SUCLG2: variants seen among roughly 807,000 people sequenced by gnomAD.
The protein encoded by SUCLG2 is succinate--CoA ligase [GDP-forming] subunit beta, mitochondrial.
A neutral mutation model predicts 47.9 loss-of-function variants in SUCLG2; 42 were observed. The observed-to-expected ratio is 0.88, with a 90% CI of 0.69 to 1.14. The LOEUF (loss-of-function observed/expected upper bound fraction) is 1.14. Among genes scored for constraint, SUCLG2 ranks in the 50% most tolerant of loss-of-function variants. SUCLG2 has a pLI of 0.00. For synonymous variants in SUCLG2, 195 were observed against 197.3 expected, an observed-to-expected ratio of 0.99 and a Z score of 0.10; for missense variants, 571 against 525.9, an observed-to-expected ratio of 1.09 and a Z score of -0.84.
intron 9 of SUCLG2, among the ~76,000 whole-genome samples, chr3:67,484,284 TAC>T (rs1704995813): frequency 6.6e-6 from 1 of 152,206 alleles, no homozygotes. Flanking sequence ...CCCATTGTAT[TAC>T]AGTCTTGCCA....
chr3:67,478,181 C>T (rs979545870), intron 9 of SUCLG2, among the ~76,000 whole-genome samples: 9 of 152,162 alleles, frequency 5.9e-5, no homozygotes, highest in African/African-American at 2.2e-4. Context: ...ACTTAACCGC[C>T]CCTTCCATAT....
intron 9 of SUCLG2, among the ~76,000 whole-genome samples, chr3:67,445,727 C>A (rs376706816): frequency 2.3e-5 from 1 of 44,034 alleles, no homozygotes; most frequent in Admixed American, 2.8e-4. Flanking sequence ...ACATATTCTG[C>A]TCAGTGTAAA....
chr3:67,475,425 T>C (rs1704724557), intron 9 of SUCLG2, among the ~76,000 whole-genome samples: 1 of 152,162 alleles, frequency 6.6e-6, no homozygotes, highest in Non-Finnish European at 1.5e-5. Flanking sequence ...TCTGTCACAA[T>C]TCTGAGAGCA....
chr3:67,434,392 T>C (rs944483464), intron 9 of SUCLG2, among the ~76,000 whole-genome samples: 49 of 152,214 alleles, frequency 3.2e-4, no homozygotes, highest in African/African-American at 1.2e-3. Context: ...TCAGGCATAG[T>C]AGTGCATATC....
intron 7 of SUCLG2, among the ~76,000 whole-genome samples, chr3:67,504,632 G>C (rs545263324): frequency 6.6e-6 from 1 of 152,266 alleles, no homozygotes; most frequent in South Asian, 2.1e-4. Context: ...GTGCGTTGTA[G>C]TTTAGCATTA....
intron 10 of SUCLG2, among the ~76,000 whole-genome samples, chr3:67,381,101 C>T (rs1361463927): frequency 1.3e-5 from 2 of 152,050 alleles, no homozygotes; most frequent in East Asian, 3.9e-4. Context: ...CGCTTGAGCA[C>T]AGAAGGTCAA....
At chr3:67,627,877 C>T (rs1330940702) in intron 1 of SUCLG2, among the ~76,000 whole-genome samples, 2 of 152,134 alleles carry the variant, frequency 1.3e-5, no homozygotes, top group African/African-American at 4.8e-5. Context: ...TCTGCAGGAC[C>T]TATGTTCCAA....
At chr3:67,408,903 C>T in intron 9 of SUCLG2, 1 of 1,511,704 alleles carries the variant, frequency 6.6e-7, no homozygotes, top group Non-Finnish European at 8.8e-7. Flanking sequence ...CTGGCAGTCT[C>T]TCTATAATCA....
At chr3:67,482,936 G>C (rs73104371) in intron 9 of SUCLG2, among the ~76,000 whole-genome samples, 5,943 of 152,106 alleles carry the variant, frequency 0.039, 280 homozygotes, top group East Asian at 0.23. Flanking sequence ...TTCTAATTGA[G>C]AAAAAAGGAT....
chr3:67,641,186 A>G (rs897536719), intron 1 of SUCLG2, among the ~76,000 whole-genome samples: 3 of 152,204 alleles, frequency 2.0e-5, no homozygotes, highest in African/African-American at 7.2e-5. Flanking sequence ...TATTCTTCTC[A>G]ATTGCAACTC....
intron 2 of SUCLG2, among the ~76,000 whole-genome samples, chr3:67,529,434 G>A (rs1029617642): frequency 1.8e-4 from 27 of 152,278 alleles, no homozygotes; most frequent in African/African-American, 6.3e-4. Context: ...CCTTCCCAAG[G>A]GAAAGCAAGA....
At chr3:67,625,318 A>G (rs192617822) in intron 1 of SUCLG2, among the ~76,000 whole-genome samples, 1 of 152,312 alleles carries the variant, frequency 6.6e-6, no homozygotes, top group Admixed American at 6.5e-5. Flanking sequence ...CTAACTGCAA[A>G]TATCAACCAC....
intron 10 of SUCLG2, among the ~76,000 whole-genome samples, chr3:67,377,593 T>TCTGGAGTGTTCCTAGCTGGGGCAGCC (rs1439328483): frequency 6.6e-6 from 1 of 152,214 alleles, no homozygotes; most frequent in Non-Finnish European, 1.5e-5. Context: ...TTGTCTGCTT[T>TCTGGAGTGTTCCTAGCTGGGGCAGCC]CTGGAGTGTT....
intron 1 of SUCLG2, among the ~76,000 whole-genome samples, chr3:67,623,866 C>T (rs1223486658): frequency 6.6e-6 from 1 of 152,180 alleles, no homozygotes; most frequent in African/African-American, 2.4e-5. Context: ...GCTTTGTAAA[C>T]CCTAAAGAAC....
intron 2 of SUCLG2, among the ~76,000 whole-genome samples, chr3:67,571,556 T>C (rs1707609640): frequency 6.6e-6 from 1 of 152,174 alleles, no homozygotes; most frequent in Non-Finnish European, 1.5e-5. Flanking sequence ...ATCTCATTTG[T>C]AAATGAAACT....
intron 9 of SUCLG2, among the ~76,000 whole-genome samples, chr3:67,477,565 G>A (rs1354443759): frequency 1.3e-5 from 2 of 152,108 alleles, no homozygotes; most frequent in African/African-American, 4.8e-5. Context: ...CATGGTGGCA[G>A]GTGCCTGTAA....
chr3:67,405,866 T>C (rs1248878298), intron 9 of SUCLG2, among the ~76,000 whole-genome samples: 2 of 152,216 alleles, frequency 1.3e-5, no homozygotes, highest in East Asian at 1.9e-4. Context: ...TTCTAATTAT[T>C]GTATATGTAC....
At chr3:67,364,954 A>G (rs1006750622) in intron 10 of SUCLG2, among the ~76,000 whole-genome samples, 15 of 152,358 alleles carry the variant, frequency 9.8e-5, no homozygotes, top group African/African-American at 3.6e-4. Context: ...GTTTCAGCAA[A>G]GAAACAGGAT....
At chr3:67,547,031 T>C (rs1427458493) in intron 2 of SUCLG2, among the ~76,000 whole-genome samples, 1 of 152,236 alleles carries the variant, frequency 6.6e-6, no homozygotes, top group Non-Finnish European at 1.5e-5. Context: ...CCACATTCTC[T>C]GCTATGGTCT....
Sources: gnomAD v4.1 joint callset for allele counts (sites outside exome capture counted in the v4.1 genomes callset) on GRCh38, gnomAD v4.1.1 for gene constraint, MANE v1.5 for transcripts, NCBI Gene and HGNC (gene_info 2026-07-23, HGNC 2026-07-21) for gene names.